The following SPIDR variants were observed in gnomAD, a reference collection of about 807,000 sequenced individuals.
SPIDR encodes DNA repair-scaffolding protein.
In SPIDR, 93 loss-of-function variants were observed where a neutral mutation model predicts 104.6. The observed-to-expected ratio is 0.89, with a 90% CI of 0.75 to 1.06. The LOEUF is 1.06. SPIDR is among the 50% of genes least tolerant of loss of function. The pLI, the probability that SPIDR is intolerant of heterozygous loss-of-function variation, is 0.00. For missense variants in SPIDR, 1,154 were observed against 1,111.2 expected, an observed-to-expected ratio of 1.04 and a Z score of -0.55; for synonymous variants, 431 against 416.9, an observed-to-expected ratio of 1.03 and a Z score of -0.41.
chr8:47,464,113 T>TAC (rs113515816), intron 8 of SPIDR, among the ~76,000 whole-genome samples: 2,926 of 143,416 alleles, frequency 0.02, 33 homozygotes, highest in South Asian at 0.025. Flanking sequence ...CTAAAGATTA[T>TAC]ACACACACAC....
intron 10 of SPIDR, among the ~76,000 whole-genome samples, chr8:47,670,325 C>T (rs1432938612): frequency 6.6e-6 from 1 of 152,098 alleles, no homozygotes; most frequent in Non-Finnish European, 1.5e-5. Context: ...ATAAATTCAA[C>T]ATCAAAACGT....
intron 5 of SPIDR, among the ~76,000 whole-genome samples, chr8:47,391,857 G>A (rs751127297): frequency 7.9e-5 from 12 of 151,682 alleles, no homozygotes; most frequent in Admixed American, 1.3e-4. Flanking sequence ...TTAGCTGGGC[G>A]TAGTGGCGGG....
intron 5 of SPIDR, among the ~76,000 whole-genome samples, chr8:47,340,674 G>A (rs2050590228): frequency 6.6e-6 from 1 of 152,178 alleles, no homozygotes. Flanking sequence ...ATTAGGTGGA[G>A]ATCTCTGAAG....
intron 7 of SPIDR, among the ~76,000 whole-genome samples, chr8:47,413,171 C>A (rs2063770947): frequency 6.6e-6 from 1 of 152,234 alleles, no homozygotes; most frequent in African/African-American, 2.4e-5. Context: ...AGGACTCTGG[C>A]TACTGGCGGC....
At chr8:47,314,934 T>C (rs1180816156) in intron 5 of SPIDR, among the ~76,000 whole-genome samples, 2 of 152,170 alleles carry the variant, frequency 1.3e-5, no homozygotes, top group Non-Finnish European at 2.9e-5. Flanking sequence ...AGATTGAAAG[T>C]AAATGTATGA....
At chr8:47,592,563 G>A in intron 8 of SPIDR, 1 of 1,299,564 alleles carries the variant, frequency 7.7e-7, no homozygotes, top group Non-Finnish European at 1.1e-6. Context: ...GGTTCTGCCA[G>A]CAAACCCTGG....
At chr8:47,409,621 C>T (rs543240561) in intron 7 of SPIDR, among the ~76,000 whole-genome samples, 4 of 152,298 alleles carry the variant, frequency 2.6e-5, no homozygotes, top group East Asian at 1.9e-4. Context: ...TTGATCTCCC[C>T]GTTCCCAATA....
At chr8:47,545,349 G>A (rs1021522124) in intron 8 of SPIDR, among the ~76,000 whole-genome samples, 1 of 151,842 alleles carries the variant, frequency 6.6e-6, no homozygotes, top group Non-Finnish European at 1.5e-5. Context: ...GATTACAGGT[G>A]TGAGCCACTG....
chr8:47,464,390 C>T (rs775054093), intron 8 of SPIDR, among the ~76,000 whole-genome samples: 64 of 152,280 alleles, frequency 4.2e-4, no homozygotes, highest in Non-Finnish European at 7.9e-4. Flanking sequence ...TAAGGTGGAA[C>T]AGCTGTCACC....
intron 7 of SPIDR, among the ~76,000 whole-genome samples, chr8:47,417,094 C>T (rs1425347655): frequency 6.6e-6 from 1 of 152,134 alleles, no homozygotes; most frequent in African/African-American, 2.4e-5. Context: ...CATACATGTG[C>T]ATGTGTCTTT....
intron 8 of SPIDR, among the ~76,000 whole-genome samples, chr8:47,552,582 C>T (rs1234418329): frequency 6.6e-6 from 1 of 151,962 alleles, no homozygotes; most frequent in Admixed American, 6.6e-5. Flanking sequence ...GGATTGCAAC[C>T]CCTGCTTTTT....
chr8:47,443,094 G>A (rs1472050574), intron 8 of SPIDR, among the ~76,000 whole-genome samples: 2 of 152,070 alleles, frequency 1.3e-5, no homozygotes, highest in African/African-American at 4.8e-5. Flanking sequence ...AGATTTATAT[G>A]ACCAAGAATT....
At chr8:47,316,073 G>A (rs2045281487) in intron 5 of SPIDR, among the ~76,000 whole-genome samples, 1 of 152,154 alleles carries the variant, frequency 6.6e-6, no homozygotes, top group South Asian at 2.1e-4. Context: ...TAAAGGACTT[G>A]TATTAAGACT....
At chr8:47,522,620 A>G (rs2084347422) in intron 8 of SPIDR, among the ~76,000 whole-genome samples, 1 of 152,188 alleles carries the variant, frequency 6.6e-6, no homozygotes, top group African/African-American at 2.4e-5. Context: ...TTCCTACCCA[A>G]AATCACACAA....
intron 5 of SPIDR, among the ~76,000 whole-genome samples, chr8:47,295,111 T>C (rs1399796420): frequency 6.6e-6 from 1 of 152,220 alleles, no homozygotes; most frequent in Non-Finnish European, 1.5e-5. Context: ...ATTGGTCATC[T>C]CTGACATTGT....
rs567132250 is a variant in SPIDR at position 47,512,021 on chromosome 8, A to G, written c.1097+71479A>G. 252 of 747,722 alleles carry G rather than the reference A, an allele frequency of 3.4e-4. 1 individual carries two copies. The East Asian group carries it at 3.5e-3, about 10-fold the overall frequency. 46.3% of individuals were successfully genotyped at this position (747,722 alleles called of 1,614,324 possible). The stretch of plus-strand genomic sequence containing the variant: ...ATGTCTTCTTCCCCTCTGTCCTCAT[A>G]AAAGCTCGCTAGCGCAATCTGCAAG... On this transcript the variant is annotated intron_variant, in intron 8 of 19. Transcript: ENST00000297423.
intron 8 of SPIDR, among the ~76,000 whole-genome samples, chr8:47,543,816 A>G (rs1405753204): frequency 6.6e-6 from 1 of 152,152 alleles, no homozygotes; most frequent in Non-Finnish European, 1.5e-5. Context: ...GTCAGTTTTT[A>G]GGAAGGGATG....
intron 8 of SPIDR, among the ~76,000 whole-genome samples, chr8:47,522,521 GTC>G (rs1301398602): frequency 1.3e-5 from 2 of 152,140 alleles, no homozygotes; most frequent in Admixed American, 6.5e-5. Context: ...GAAAGAGGAA[GTC>G]TCTATGTCCC....
At chr8:47,629,202 G>A (rs2066667467) in intron 10 of SPIDR, among the ~76,000 whole-genome samples, 1 of 152,208 alleles carries the variant, frequency 6.6e-6, no homozygotes, top group South Asian at 2.1e-4. Context: ...TAGGATGGTA[G>A]TAGGGACACA....
Sources: allele counts gnomAD v4.1 joint callset (sites outside exome capture counted in the v4.1 genomes callset), GRCh38; gene constraint gnomAD v4.1.1; transcripts MANE v1.5; gene names NCBI Gene and HGNC (gene_info 2026-07-23, HGNC 2026-07-21).